The following TRPV3 variants were observed in gnomAD, a reference collection of about 807,000 sequenced individuals.
TRPV3 encodes the protein transient receptor potential cation channel subfamily V member 3, also known as VRL-3.
In TRPV3, 88 loss-of-function variants were observed where a neutral mutation model predicts 87.1. That is an observed-to-expected ratio of 1.01 (90% CI 0.85 to 1.21). TRPV3 has a LOEUF of 1.21. TRPV3 is among the 50% of genes most tolerant of loss of function. The pLI is 0.00. For synonymous variants in TRPV3, 438 were observed against 423.3 expected (o/e 1.03, Z -0.43); for missense variants, 1,054 against 1,030.1 (o/e 1.02, Z -0.32).
chr17:3,556,800 G>T lies in TRPV3; in HGVS notation c.-3+876C>A, dbSNP rs1421425657. ...CCCGGCCCTCCCGTGTCCAGTCACG[G>T]CCTGATGAGGATGGGCAGCCTCTAT... is the stretch of plus-strand genomic sequence containing the variant. On this transcript the variant is annotated intron_variant, in intron 1 of 17. Transcript: ENST00000576742. The surrounding 1 kb of genome is among the most constrained non-coding windows in gnomAD (Gnocchi z 4.2). 6.6e-6 allele frequency among the ~76,000 whole-genome samples: 1 copy of T among 152,084 alleles called. No homozygotes were observed. Among genetic ancestry groups the T allele is most frequent in the African/African-American group, 2.4e-5 (1 of 41,406 alleles).
intron 13 of TRPV3, among the ~76,000 whole-genome samples, chr17:3,522,586 G>A (rs779753251): frequency 1.4e-5 from 2 of 147,862 alleles, no homozygotes; most frequent in African/African-American, 2.5e-5. Flanking sequence ...TTGGGAGGCC[G>A]AGGCGGACGG....
intron 9 of TRPV3, 118 bp downstream of exon 9, chr17:3,529,909 T>C (rs1024554166): frequency 5.2e-6 from 6 of 1,151,558 alleles, no homozygotes; most frequent in Non-Finnish European, 7.3e-6. Context: ...CAGAGTGGGG[T>C]ATGCAGATGC....
rs1203305011 is a variant in TRPV3 at position 3,516,533 on chromosome 17, G to GT, written c.2121dup (p.Pro708ThrfsTer20). On this transcript the variant is annotated frameshift_variant, in exon 16 of 18. Transcript: ENST00000576742. LOFTEE classifies it high-confidence loss of function. ...CGGAATCTGCTCCTCAGCCATTCTG[G>GT]TAACATTTTCTCAAACTCCAAGATG... 6.2e-7 allele frequency: 1 copy of GT among 1,613,992 alleles called. No individual in the cohort carries two copies. The highest frequency in any genetic ancestry group is 8.5e-7 in the Non-Finnish European group (1 of 1,180,026).
Position 3,528,676 on chromosome 17 carries a change from G to A in TRPV3, c.1401+161C>T, listed in dbSNP as rs2074321556. 6.6e-6 allele frequency among the ~76,000 whole-genome samples: 1 copy of A among 152,212 alleles called. No individual in the cohort carries two copies. The highest frequency in any genetic ancestry group is 1.5e-5 in the Non-Finnish European group (1 of 68,036). Reference sequence around the variant, plus strand: ...TGGGGCTTAGCCCAGGCTAAGCACTGAAGACATATTCAGTTCCCTGGGAAG... The same window carrying A: ...TGGGGCTTAGCCCAGGCTAAGCACTAAAGACATATTCAGTTCCCTGGGAAG... On this transcript the variant is annotated intron_variant, in intron 10 of 17. Coordinates refer to ENST00000576742, the MANE Select transcript of TRPV3 (RefSeq NM_145068.4). The surrounding 1 kb of genome is among the most constrained non-coding windows in gnomAD (Gnocchi z 4.2).
chr17:3,541,131 G>A (rs1040739670), intron 6 of TRPV3, among the ~76,000 whole-genome samples: 1 of 152,142 alleles, frequency 6.6e-6, no homozygotes, highest in Non-Finnish European at 1.5e-5. Context: ...TTTGGGAGGT[G>A]AAGGCAGGTG....
rs386364863 is a variant in TRPV3 at position 3,556,186 on chromosome 17, GAA to G, written c.-2-1336_-2-1335del. ...AGCGAGACTCCGTCTCAAAAAAAAT[GAA>G]AAAAAAAAAAAATAAAGTTTTTATT... On this transcript the variant is annotated intron_variant, in intron 1 of 17. Coordinates refer to ENST00000576742, the MANE Select transcript of TRPV3 (RefSeq NM_145068.4). This position sits in a 1 kb window ranked among gnomAD's most constrained non-coding sequence, Gnocchi z 4.2. Among the ~76,000 whole-genome samples, 34,651 of 139,694 alleles carry G rather than the reference GAA, an allele frequency of 0.25. 4,735 individuals are homozygous for G. Among genetic ancestry groups the G allele is most frequent in the East Asian group, 0.44 (2,153 of 4,846 alleles). 91.6% of individuals were successfully genotyped at this position (139,694 alleles called of 152,430 possible). A position where few individuals can be genotyped will look rare whatever the true frequency, so the allele number is the denominator to read the frequency against.
In TRPV3 at chr17:3,554,712, C is replaced by T. The variant is rs2074610326; in HGVS notation, c.119+20G>A. 7 of 1,559,748 alleles carry T rather than the reference C, an allele frequency of 4.5e-6. No individual in the cohort carries two copies. Among genetic ancestry groups the T allele is most frequent in the Non-Finnish European group, 3.5e-6 (4 of 1,135,634 alleles). ...CCCCTCACAGTGCCGCAGTCCGTGT[C>T]CCGAGCTCTCCAAACCCACCTCTTC... On this transcript the variant is annotated intron_variant, in intron 2 of 17. Coordinates refer to ENST00000576742, the MANE Select transcript of TRPV3 (RefSeq NM_145068.4).
intron 13 of TRPV3, among the ~76,000 whole-genome samples, chr17:3,522,052 G>T (rs142609277): frequency 6.6e-6 from 1 of 152,060 alleles, no homozygotes; most frequent in Non-Finnish European, 1.5e-5. Context: ...CTCCAGCCTG[G>T]GGGGCAGAGC....
At chr17:3,523,988 T>C (rs2074270697) in intron 13 of TRPV3, among the ~76,000 whole-genome samples, 1 of 151,950 alleles carries the variant, frequency 6.6e-6, no homozygotes, top group East Asian at 1.9e-4. Flanking sequence ...CTCCACAAAC[T>C]GTACCCCTCC....
At chr17:3,527,932 A>AC in intron 11 of TRPV3, 93 bp downstream of exon 11, 1 of 1,003,414 alleles carries the variant, frequency 1.0e-6, no homozygotes, top group Non-Finnish European at 1.6e-6. Flanking sequence ...CCTCCCCAGA[A>AC]CCCCCCAGCA....
chr17:3,520,794 A>C (rs2150782480), intron 14 of TRPV3, among the ~76,000 whole-genome samples, 179 bp downstream of exon 14: 1 of 152,318 alleles, frequency 6.6e-6, no homozygotes, highest in Admixed American at 6.5e-5. Context: ...TAGAACTTAA[A>C]GTATAATAAA....
chr17:3,537,581 G>A (rs1400348925), intron 6 of TRPV3, among the ~76,000 whole-genome samples: 3 of 152,110 alleles, frequency 2.0e-5, no homozygotes, highest in African/African-American at 4.8e-5. Flanking sequence ...TGATAGGCTG[G>A]GGAAAATATT....
chr17:3,544,516 C>T, intron 4 of TRPV3, 63 bp downstream of exon 4: 1 of 1,072,152 alleles, frequency 9.3e-7, no homozygotes, highest in South Asian at 1.4e-5. Flanking sequence ...GCCCCGGATC[C>T]TGTCTCTCTG....
chr17:3,531,955 C>T (rs1350895806), intron 8 of TRPV3, among the ~76,000 whole-genome samples: 2 of 152,202 alleles, frequency 1.3e-5, no homozygotes, highest in South Asian at 2.1e-4. Flanking sequence ...CCCCAGTGTC[C>T]TCTGATGGCG....
intron 13 of TRPV3, 85 bp from the exon 14 acceptor site, chr17:3,521,124 AC>A: frequency 4.8e-5 from 17 of 351,922 alleles, no homozygotes; most frequent in East Asian, 8.0e-5. Flanking sequence ...ACCCTCTCCC[AC>A]CCCCCACCCT....
intron 6 of TRPV3, among the ~76,000 whole-genome samples, chr17:3,536,298 C>T (rs1324811268): frequency 6.6e-6 from 1 of 152,196 alleles, no homozygotes; most frequent in Non-Finnish European, 1.5e-5. Context: ...GCGTTAGAAG[C>T]AGCCGAGACC....
In TRPV3 at chr17:3,530,694, G is replaced by A. The variant is rs187904256; in HGVS notation, c.1066-491C>T. On this transcript the variant is annotated intron_variant, in intron 8 of 17. Transcript: ENST00000576742. The surrounding 1 kb of genome is among the most constrained non-coding windows in gnomAD (Gnocchi z 4.0). Reference sequence around the variant, plus strand: ...GACACCACGCCCTACAGGGAGGCCCGTGGGACTTCGGTAGGCCAGTGATCC... The same window carrying A: ...GACACCACGCCCTACAGGGAGGCCCATGGGACTTCGGTAGGCCAGTGATCC... Among the ~76,000 whole-genome samples, 3 of 152,170 alleles carry A rather than the reference G, an allele frequency of 2.0e-5. No individual in the cohort carries two copies. The highest frequency in any genetic ancestry group is 7.2e-5 in the African/African-American group (3 of 41,442).
At chr17:3,535,179 C>CCTCCCTTCCTCCCT (rs141719765) in intron 7 of TRPV3, among the ~76,000 whole-genome samples, 17,372 of 120,538 alleles carry the variant, frequency 0.14, 1,958 homozygotes, top group East Asian at 0.49. Context: ...CCTCCTTCCT[C>CCTCCCTTCCTCCCT]CTCCCTTCCT....
At chr17:3,516,302 G>A (rs982106238) in intron 16 of TRPV3, among the ~76,000 whole-genome samples, 155 bp downstream of exon 16, 3 of 152,128 alleles carry the variant, frequency 2.0e-5, no homozygotes, top group Non-Finnish European at 4.4e-5. Context: ...AACCCCATAA[G>A]CAAATTCCTT....
Sources: gnomAD v4.1 joint callset for allele counts (sites outside exome capture counted in the v4.1 genomes callset) on GRCh38, gnomAD v4.1.1 for gene constraint, Gnocchi (gnomAD v3.1) non-coding constraint, MANE v1.5 for transcripts, NCBI Gene and HGNC (gene_info 2026-07-23, HGNC 2026-07-21) for gene names.